The following PPP1R14C variants were observed in gnomAD, a reference collection of about 807,000 sequenced individuals.
PPP1R14C encodes the protein protein phosphatase 1 regulatory subunit 14C.
In PPP1R14C, 16 loss-of-function variants were observed where a neutral mutation model predicts 20.4. The ratio of observed to expected loss-of-function variants is 0.78; its 90% CI spans 0.53 to 1.19. The LOEUF is 1.19. Ranked by LOEUF, PPP1R14C falls within the 50% of genes most tolerant of loss-of-function variation. The pLI is 0.00. For missense variants in PPP1R14C, 211 were observed against 220.1 expected, an observed-to-expected ratio of 0.96 and a Z score of 0.26; for synonymous variants, 91 against 91.0, an observed-to-expected ratio of 1.00 and a Z score of 0.00.
At chr6:150,164,444 CTT>C (rs374196462) in intron 1 of PPP1R14C, 5 of 152,322 alleles carry the variant, frequency 3.3e-5, no homozygotes, top group African/African-American at 9.6e-5. Flanking sequence ...TTTAAGAAAA[CTT>C]TGTCTGCTAC....
intron 1 of PPP1R14C, among the ~76,000 whole-genome samples, chr6:150,181,353 A>G (rs777178281): frequency 6.6e-6 from 1 of 152,064 alleles, no homozygotes; most frequent in Non-Finnish European, 1.5e-5. Flanking sequence ...CTTTCTGTAG[A>G]GGTTATTATT....
intron 1 of PPP1R14C, among the ~76,000 whole-genome samples, chr6:150,155,944 G>C (rs548894914): frequency 4.0e-4 from 54 of 135,110 alleles, no homozygotes; most frequent in Middle Eastern, 8.8e-3. Flanking sequence ...AGAATCGCTT[G>C]AACCTGGGAG....
chr6:150,156,193 T>C (rs1466143690), intron 1 of PPP1R14C, among the ~76,000 whole-genome samples: 1 of 152,156 alleles, frequency 6.6e-6, no homozygotes, highest in African/African-American at 2.4e-5. Flanking sequence ...TCTATTTAGA[T>C]GGAATTGACT....
At chr6:150,226,994 A>G (rs1778238124) in intron 3 of PPP1R14C, among the ~76,000 whole-genome samples, 1 of 152,234 alleles carries the variant, frequency 6.6e-6, no homozygotes, top group Non-Finnish European at 1.5e-5. Flanking sequence ...GGCAGTAAGA[A>G]GGCAGAGTTT....
intron 1 of PPP1R14C, among the ~76,000 whole-genome samples, chr6:150,159,184 C>T (rs1175954430): frequency 1.3e-5 from 2 of 152,170 alleles, no homozygotes; most frequent in Non-Finnish European, 1.5e-5. Context: ...TCCTTTGTTT[C>T]AAGAGTCATG....
intron 1 of PPP1R14C, among the ~76,000 whole-genome samples, chr6:150,204,312 T>G (rs988332683): frequency 1.3e-5 from 2 of 152,222 alleles, no homozygotes; most frequent in Admixed American, 1.3e-4. Context: ...GCGTGTTTAG[T>G]GTTCATAAGC....
intron 1 of PPP1R14C, among the ~76,000 whole-genome samples, chr6:150,163,697 A>C (rs1777395417): frequency 6.6e-6 from 1 of 152,074 alleles, no homozygotes; most frequent in African/African-American, 2.4e-5. Context: ...GTTGCATGTC[A>C]TTTGAGGTTT....
intron 3 of PPP1R14C, among the ~76,000 whole-genome samples, chr6:150,217,460 G>T (rs1189552566): frequency 1.3e-5 from 2 of 152,076 alleles, no homozygotes; most frequent in African/African-American, 4.8e-5. Context: ...CTCCCAAAGT[G>T]CTGGGATTAC....
At chr6:150,195,780 C>T (rs1777797367) in intron 1 of PPP1R14C, 1 of 958,210 alleles carries the variant, frequency 1.0e-6, no homozygotes, top group South Asian at 4.8e-5. Flanking sequence ...ATCTCCCGAA[C>T]TTTCTCATCT....
chr6:150,145,438 A>G (rs549830934), intron 1 of PPP1R14C, among the ~76,000 whole-genome samples: 3 of 152,332 alleles, frequency 2.0e-5, no homozygotes, highest in Non-Finnish European at 2.9e-5. Context: ...TTGTTCAGTC[A>G]TTGTAGGCTG....
intron 1 of PPP1R14C, among the ~76,000 whole-genome samples, chr6:150,167,964 C>CCCTT (rs1562259762): frequency 9.0e-4 from 4 of 4,440 alleles, no homozygotes; most frequent in Non-Finnish European, 1.0e-3. Flanking sequence ...CTCTCCTCCC[C>CCCTT]TCTTTCTCTC....
intron 1 of PPP1R14C, among the ~76,000 whole-genome samples, chr6:150,180,068 G>A (rs999243184): frequency 6.6e-6 from 1 of 152,172 alleles, no homozygotes; most frequent in African/African-American, 2.4e-5. Context: ...CGGGAGTGGT[G>A]GCATGTGCCT....
At chr6:150,154,383 G>T (rs1217650069) in intron 1 of PPP1R14C, among the ~76,000 whole-genome samples, 1 of 152,190 alleles carries the variant, frequency 6.6e-6, no homozygotes, top group East Asian at 1.9e-4. Context: ...CCTTGCCTGT[G>T]AGCTCCGTCC....
intron 1 of PPP1R14C, among the ~76,000 whole-genome samples, chr6:150,167,093 G>T (rs574624807): frequency 6.6e-6 from 1 of 152,056 alleles, no homozygotes; most frequent in Non-Finnish European, 1.5e-5. Context: ...TAGGCCGGGC[G>T]CGGTGGCTCA....
At chr6:150,155,624 A>T (rs1402465839) in intron 1 of PPP1R14C, among the ~76,000 whole-genome samples, 1 of 152,050 alleles carries the variant, frequency 6.6e-6, no homozygotes, top group African/African-American at 2.4e-5. Context: ...TTTTTGTTTG[A>T]TTTACTTGAT....
chr6:150,182,289 C>T (rs997095459), intron 1 of PPP1R14C, among the ~76,000 whole-genome samples: 3 of 152,154 alleles, frequency 2.0e-5, no homozygotes, highest in African/African-American at 7.2e-5. Context: ...GTTTTAATTG[C>T]CTCAGGCTGC....
At chr6:150,192,537 G>A (rs372418503) in intron 1 of PPP1R14C, among the ~76,000 whole-genome samples, 2 of 152,256 alleles carry the variant, frequency 1.3e-5, no homozygotes, top group African/African-American at 4.8e-5. Flanking sequence ...GTGTGGCCTG[G>A]TCCCAAACAG....
At chr6:150,157,959 G>GAC (rs1334478842) in intron 1 of PPP1R14C, among the ~76,000 whole-genome samples, 7 of 152,194 alleles carry the variant, frequency 4.6e-5, no homozygotes, top group Non-Finnish European at 1.0e-4. Context: ...AACCATAGCA[G>GAC]AGACATTGCC....
At chr6:150,182,172 C>T (rs1259541531) in intron 1 of PPP1R14C, among the ~76,000 whole-genome samples, 3 of 152,152 alleles carry the variant, frequency 2.0e-5, no homozygotes, top group Non-Finnish European at 4.4e-5. Context: ...CAGCTTTAGT[C>T]TGTGTAGTGG....
Sources: gnomAD v4.1 joint callset for allele counts (sites outside exome capture counted in the v4.1 genomes callset) on GRCh38, gnomAD v4.1.1 for gene constraint, MANE v1.5 for transcripts, NCBI Gene and HGNC (gene_info 2026-07-23, HGNC 2026-07-21) for gene names.